The following KIAA1755 variants were observed in gnomAD, a reference collection of about 807,000 sequenced individuals.
KIAA1755 encodes the protein uncharacterized protein KIAA1755.
KIAA1755 carries 68 observed loss-of-function variants against 91.7 expected under a neutral mutation model. That is an observed-to-expected ratio of 0.74 (90% CI 0.61 to 0.91). The LOEUF is 0.91. KIAA1755 is among the 40% of genes least tolerant of loss of function. KIAA1755 has a pLI of 0.00. For missense variants in KIAA1755, 1,535 were observed against 1,494.4 expected, an observed-to-expected ratio of 1.03 and a Z score of -0.45; for synonymous variants, 610 against 604.6, an observed-to-expected ratio of 1.01 and a Z score of -0.13.
Position 38,223,573 on chromosome 20 carries a change from C to T in KIAA1755, c.2233G>A (p.Glu745Lys). The change falls in exon 9 of 14, where the codon GAA becomes AAA. Residue 745 changes from glutamate to lysine, a missense_variant. Transcript: ENST00000279024. ...CCAGGGGGGTCGGCCTTCTCGAATTCCTCGATGGAAGCTTGTAGCAGGGAA... is the reference window on the plus strand; with the variant it reads ...CCAGGGGGGTCGGCCTTCTCGAATTTCTCGATGGAAGCTTGTAGCAGGGAA... ...ASSLLQASIEEFEKADPPGGM... is the reference protein window; with the variant it reads ...ASSLLQASIEKFEKADPPGGM... The T allele has an allele frequency of 6.2e-7, 1 of 1,601,012 alleles. No individual in the cohort carries two copies. Among genetic ancestry groups the T allele is most frequent in the Non-Finnish European group, 8.5e-7 (1 of 1,174,972 alleles).
chr20:38,226,179 C>T (rs2075753796), intron 7 of KIAA1755, among the ~76,000 whole-genome samples: 2 of 152,200 alleles, frequency 1.3e-5, no homozygotes, highest in South Asian at 2.1e-4. Flanking sequence ...CCTGAGGAGC[C>T]AAGAGCTGTT....
intron 10 of KIAA1755, 137 bp downstream of exon 10, chr20:38,222,312 T>C: frequency 1.1e-6 from 1 of 879,146 alleles, no homozygotes; most frequent in Non-Finnish European, 1.8e-6. Context: ...CAGCCTGGGA[T>C]ACAGGCCCTG....
intron 4 of KIAA1755, among the ~76,000 whole-genome samples, chr20:38,236,448 G>A (rs541905721): frequency 1.3e-5 from 2 of 152,130 alleles, no homozygotes; most frequent in African/African-American, 4.8e-5. Flanking sequence ...GAGTGTGGAT[G>A]GAGAGGAGAA....
chr20:38,223,993 G>T (rs1313343644), intron 8 of KIAA1755, among the ~76,000 whole-genome samples: 1 of 152,170 alleles, frequency 6.6e-6, no homozygotes, highest in African/African-American at 2.4e-5. Context: ...ACCATGATTG[G>T]TAAGGAAAGG....
intron 2 of KIAA1755, 103 bp downstream of exon 2, chr20:38,245,826 G>A (rs1031525853): frequency 1.5e-5 from 17 of 1,099,886 alleles, no homozygotes; most frequent in East Asian, 9.7e-5. Context: ...TCAGCTCCCC[G>A]TGAAACAAGA....
chr20:38,227,014 C>A, intron 7 of KIAA1755, 140 bp downstream of exon 7: 1 of 600,204 alleles, frequency 1.7e-6, no homozygotes. Flanking sequence ...GCGCTTAGGC[C>A]TCGTATTTAT....
At position 38,249,795 on chromosome 20, in the gene KIAA1755, C is replaced by A. The variant is rs575857253; in HGVS notation, c.4-3669G>T. 6.0e-5 allele frequency among the ~76,000 whole-genome samples: 9 copies of A among 151,082 alleles called. No individual in the cohort carries two copies. The South Asian group carries it at 1.9e-3, about 32-fold the overall frequency. On this transcript the variant is annotated intron_variant, in intron 1 of 13. Transcript: ENST00000279024. The stretch of plus-strand genomic sequence containing the variant: ...ATCTGGCCCGGTGTCCTCTTCTAAT[C>A]CCCCCCCAACCCCCACCAATCATGG...
At chr20:38,245,151 C>A (rs1407796027) in intron 2 of KIAA1755, among the ~76,000 whole-genome samples, 2 of 152,216 alleles carry the variant, frequency 1.3e-5, no homozygotes, top group Non-Finnish European at 2.9e-5. Flanking sequence ...GGGCATATGA[C>A]CCAAGCCTGG....
Position 38,228,218 on chromosome 20 carries a change from G to A in KIAA1755, c.1894C>T (p.Leu632=). The A allele has an allele frequency of 6.2e-7, 1 of 1,601,606 alleles. No individual in the cohort carries two copies. The highest frequency in any genetic ancestry group is 8.5e-7 in the Non-Finnish European group (1 of 1,174,790). ...IPRPEDKAKG[L]AVLIDARRQP... is the part of the protein sequence containing the mutation. The stretch of plus-strand genomic sequence containing the variant: ...CTCCTGGCGTCAATCAGGACCGCCA[G>A]CCCCTTGGCTTTATCTTCAGGCCTG... The change falls in exon 6 of 14, where the codon CTG becomes TTG. Residue 632 remains leucine (L), a synonymous_variant. Coordinates refer to ENST00000279024, the MANE Select transcript of KIAA1755 (RefSeq NM_001029864.2).
At chr20:38,260,140 T>C (rs2076420613) in intron 1 of KIAA1755, 2 of 1,225,006 alleles carry the variant, frequency 1.6e-6, no homozygotes, top group African/African-American at 3.1e-5. Context: ...GCCGGGACAA[T>C]GTGCATATCA....
At chr20:38,230,745 A>C (rs2075845612) in intron 5 of KIAA1755, among the ~76,000 whole-genome samples, 1 of 152,060 alleles carries the variant, frequency 6.6e-6, no homozygotes, top group Non-Finnish European at 1.5e-5. Context: ...AAAATTAGCC[A>C]GGTGTGGTGG....
At chr20:38,244,868 C>T (rs935621147) in intron 2 of KIAA1755, among the ~76,000 whole-genome samples, 3 of 152,278 alleles carry the variant, frequency 2.0e-5, no homozygotes, top group Middle Eastern at 3.4e-3. Flanking sequence ...GCTGGGACTA[C>T]AGGCATGTGC....
intron 12 of KIAA1755, chr20:38,217,765 C>G (rs1453193272): frequency 1.9e-6 from 1 of 535,312 alleles, no homozygotes; most frequent in Non-Finnish European, 3.3e-6. Flanking sequence ...TGGAAAACTT[C>G]TCTGACTCCA....
chr20:38,253,071 G>GCCTGGGCCAA (rs10854199), intron 1 of KIAA1755, among the ~76,000 whole-genome samples: 7,816 of 83,100 alleles, frequency 0.094, 353 homozygotes, highest in African/African-American at 0.24. Context: ...CCCGCAGCCC[G>GCCTGGGCCAA]GCAGGAGCCA....
chr20:38,260,588 C>T lies in KIAA1755; in HGVS notation c.-88G>A. ...GCGGGTCCGTCTGTCTGGGGCAGCC[C>T]TCGGTCCCGCCTAGCCCTGGAGCCA... On this transcript the variant is annotated 5_prime_UTR_variant, in exon 1 of 14. Coordinates refer to ENST00000279024, the MANE Select transcript of KIAA1755 (RefSeq NM_001029864.2). 1 of 1,452,456 alleles carries T rather than the reference C, an allele frequency of 6.9e-7. No individual in the cohort carries two copies. The highest frequency in any genetic ancestry group is 9.1e-7 in the Non-Finnish European group (1 of 1,102,960). The allele number at this position is 1,452,456 out of a possible 1,614,324, so 90.0% of individuals were successfully genotyped here.
intron 11 of KIAA1755, among the ~76,000 whole-genome samples, chr20:38,219,197 G>A (rs139397689): frequency 1.7e-4 from 26 of 152,148 alleles, no homozygotes; most frequent in Middle Eastern, 6.8e-3. Flanking sequence ...GTTGGTTCTC[G>A]GCACCGGCAG....
intron 7 of KIAA1755, 80 bp downstream of exon 7, chr20:38,227,074 A>G: frequency 1.0e-6 from 1 of 1,001,228 alleles, no homozygotes. Context: ...TGAATTCTGC[A>G]GTTCTCCCTC....
rs371430211 is a variant in KIAA1755, at chr20:38,241,725, C to T, written c.406G>A (p.Val136Ile). 1 of 1,614,114 alleles carries T rather than the reference C, an allele frequency of 6.2e-7. No individual in the cohort carries two copies. ...LDLCTVDKKPVPEPAYPILFT... is the reference protein window; with the variant it reads ...LDLCTVDKKPIPEPAYPILFT... The stretch of plus-strand genomic sequence containing the variant: ...AGTATAGGGTAGGCTGGCTCTGGAA[C>T]AGGCTTCTTGTCCACTGTGCAGAGG... The change falls in exon 3 of 14, where the codon GTT becomes ATT. Residue 136 changes from valine (V) to isoleucine (I), a missense_variant. Val to Ile is a conservative substitution (Grantham distance 29). Coordinates refer to ENST00000279024, the MANE Select transcript of KIAA1755 (RefSeq NM_001029864.2).
intron 1 of KIAA1755, among the ~76,000 whole-genome samples, chr20:38,250,510 G>C (rs796780332): frequency 6.2e-4 from 84 of 135,878 alleles, no homozygotes; most frequent in Non-Finnish European, 6.5e-4. Flanking sequence ...GTGTGTGTGT[G>C]TCTGTGTGTG....
Sources: allele counts gnomAD v4.1 joint callset (sites outside exome capture counted in the v4.1 genomes callset), GRCh38; gene constraint gnomAD v4.1.1; transcripts MANE v1.5; gene names NCBI Gene and HGNC (gene_info 2026-07-23, HGNC 2026-07-21).